DNAH1: variants seen among roughly 807,000 people sequenced by gnomAD.
DNAH1 encodes the protein dynein axonemal heavy chain 1, also known as axonemal beta dynein heavy chain 1.
In DNAH1, 327 loss-of-function variants were observed where a neutral mutation model predicts 484.3. That is an observed-to-expected ratio of 0.68 (90% CI 0.62 to 0.74). The LOEUF (loss-of-function observed/expected upper bound fraction) is 0.74, where lower values mean the gene tolerates loss of function less well. Among genes scored for constraint, DNAH1 ranks in the 30% least tolerant of loss-of-function variants. DNAH1 has a pLI of 0.00. For missense variants in DNAH1, 5,052 were observed against 5,546.8 expected, an observed-to-expected ratio of 0.91 and a Z score of 2.83; for synonymous variants, 2,192 against 2,191.9, an observed-to-expected ratio of 1.00 and a Z score of 0.00.
chr3:52,328,588 A>C (rs1419996907), intron 6 of DNAH1, among the ~76,000 whole-genome samples: 1 of 152,238 alleles, frequency 6.6e-6, no homozygotes, highest in Non-Finnish European at 1.5e-5. Flanking sequence ...TGCCCACTTG[A>C]TGCCACACAG....
In DNAH1 at chr3:52,371,978, T is replaced by G. The variant is rs113617561; in HGVS notation, c.6558T>G (p.Ala2186=). 453 of 1,613,734 alleles carry G rather than the reference T, an allele frequency of 2.8e-4. No individual in the cohort carries two copies. The highest frequency in any genetic ancestry group is 1.6e-3 in the Middle Eastern group (10 of 6,062). Residue 2186 remains alanine, a synonymous_variant, in exon 42 of 78, where the codon GCT becomes GCG. Coordinates refer to ENST00000420323, the MANE Select transcript of DNAH1 (RefSeq NM_015512.5). ...GGGTGAAGTGGATGGACTCCTCAGC[T>G]CCATTCACCATGGTACCAGACACCA... The part of the protein sequence containing the change: ...VAWVKWMDSS[A]PFTMVPDTNY...
chr3:52,369,023 C>T (rs973940461), intron 37 of DNAH1, 105 bp downstream of exon 37: 49 of 1,312,038 alleles, frequency 3.7e-5, no homozygotes, highest in Non-Finnish European at 4.9e-5. Flanking sequence ...CTCTCAGGGC[C>T]ATGGGTCCAT....
Position 52,359,936 on chromosome 3 carries a change from T to C in DNAH1, c.4428T>C (p.Leu1476=). 1 of 1,613,816 alleles carries C rather than the reference T, an allele frequency of 6.2e-7. No homozygotes were observed. The highest frequency in any genetic ancestry group is 1.1e-5 in the South Asian group (1 of 91,084). Residue 1476 remains leucine (L), a synonymous_variant, in exon 27 of 78, where the codon CTT becomes CTC. Transcript: ENST00000420323. ...LCQQLSDLVA[L]VRGKLSRMQR... ...TGCAGCTCAGTGATCTGGTGGCCCTTGTGCGGGGGAAGCTGTCCCGCATGC... is the reference window on the plus strand; with the variant it reads ...TGCAGCTCAGTGATCTGGTGGCCCTCGTGCGGGGGAAGCTGTCCCGCATGC...
Position 52,379,994 on chromosome 3 carries a change from C to T in DNAH1, c.7467C>T (p.Phe2489=), listed in dbSNP as rs753364131. 8.8e-6 allele frequency: 14 copies of T among 1,589,250 alleles called. No homozygotes were observed. The highest frequency in any genetic ancestry group is 1.8e-5 in the Admixed American group (1 of 56,370). ...RLVNEEDRSW[F]DQLLKRCMEQ... ...TGAATGAGGAGGACCGCAGCTGGTT[C>T]GACCAGCTCCTCAAGCGCTGCATGG... Residue 2489 remains phenylalanine, a synonymous_variant, in exon 48 of 78, where the codon TTC becomes TTT. Coordinates refer to ENST00000420323, the MANE Select transcript of DNAH1 (RefSeq NM_015512.5). The surrounding 1 kb of genome is among the most constrained non-coding windows in gnomAD (Gnocchi z 4.4).
At chr3:52,360,524 T>A (rs1465549042) in intron 28 of DNAH1, 100 bp downstream of exon 28, 2 of 988,286 alleles carry the variant, frequency 2.0e-6, no homozygotes, top group South Asian at 1.5e-5. Flanking sequence ...GGTGATCTAG[T>A]CCATCAGAGC....
intron 46 of DNAH1, among the ~76,000 whole-genome samples, chr3:52,377,447 A>G (rs987047056): frequency 3.2e-4 from 48 of 151,648 alleles, no homozygotes; most frequent in African/African-American, 1.1e-3. Context: ...AGCTGCCTTC[A>G]CCTGCCTAAG....
In DNAH1 at chr3:52,395,094, G is replaced by T. The variant is rs376346833; in HGVS notation, c.10968+35G>T. On this transcript the variant is annotated intron_variant, in intron 68 of 77. Coordinates refer to ENST00000420323, the MANE Select transcript of DNAH1 (RefSeq NM_015512.5). This position sits in a 1 kb window ranked among gnomAD's most constrained non-coding sequence, Gnocchi z 4.4. ...GGAACCCTGGCAGGACTGGCACCTT[G>T]AGCTTGTCCCCACCCTGGGTCCCAG... 8.9e-5 allele frequency: 142 copies of T among 1,589,596 alleles called. No individual in the cohort carries two copies. Among genetic ancestry groups the T allele is most frequent in the Non-Finnish European group, 1.1e-4 (128 of 1,167,340 alleles).
rs62257592 is a variant in DNAH1 at position 52,355,155 on chromosome 3, C to T, written c.3693+100C>T. 1 of 1,204,544 alleles carries T rather than the reference C, an allele frequency of 8.3e-7. No individual in the cohort carries two copies. The allele number at this position is 1,204,544 out of a possible 1,614,324, so 74.6% of individuals were successfully genotyped here. A position where few individuals can be genotyped will look rare whatever the true frequency, so the allele number is the denominator to read the frequency against. On this transcript the variant is annotated intron_variant, in intron 21 of 77. Coordinates refer to ENST00000420323, the MANE Select transcript of DNAH1 (RefSeq NM_015512.5). The surrounding 1 kb of genome is among the most constrained non-coding windows in gnomAD (Gnocchi z 4.5). ...TCTCCGGGTGGGGTTCAAAGCATCG[C>T]AGTGCCTTGCCCTCATTCACACAGC...
In DNAH1 at chr3:52,358,651, G is replaced by A. The variant is rs575189081; in HGVS notation, c.4180G>A (p.Val1394Met). 3.8e-5 allele frequency: 62 copies of A among 1,613,278 alleles called. 1 individual carries two copies. The South Asian group carries it at 4.3e-4, about 11-fold the overall frequency. ...LCFSIYPSSNVEDWLREVERS... is the reference protein window; with the variant it reads ...LCFSIYPSSNMEDWLREVERS... The stretch of plus-strand genomic sequence containing the variant: ...CTTCTCCATCTACCCCTCCAGCAAC[G>A]TGGAGGACTGGCTGCGGGAGGTGGA... Residue 1394 changes from valine (V) to methionine (M), a missense_variant, in exon 25 of 78, where the codon GTG becomes ATG. Physicochemically the swap from Val to Met is conservative, Grantham distance 21. This residue lies in a region of DNAH1 where 2,929 missense variants were observed against 3,409.4 expected (regional missense o/e 0.86). Coordinates refer to ENST00000420323, the MANE Select transcript of DNAH1 (RefSeq NM_015512.5). The surrounding 1 kb of genome is among the most constrained non-coding windows in gnomAD (Gnocchi z 4.2).
chr3:52,365,008 AG>A lies in DNAH1; in HGVS notation c.5509del (p.Asp1837MetfsTer6), dbSNP rs1486112024. On this transcript the variant is annotated frameshift_variant, in exon 34 of 78. Coordinates refer to ENST00000420323, the MANE Select transcript of DNAH1 (RefSeq NM_015512.5). LOFTEE classifies it high-confidence loss of function. Reference sequence around the variant, plus strand: ...GAGGCCTGCAGGAACAGCAACCTCAAGGATGTGGAGGGTGAGCCTCGGGCCC... The same window carrying A: ...GAGGCCTGCAGGAACAGCAACCTCAAGATGTGGAGGGTGAGCCTCGGGCCC... ...IREACRNSNL[K>X]DVEGFLTKCI... is the part of the protein sequence containing the mutation. 2 of 1,609,286 alleles carry A rather than the reference AG, an allele frequency of 1.2e-6. No homozygotes were observed. The highest frequency in any genetic ancestry group is 2.7e-5 in the African/African-American group (2 of 74,858).
chr3:52,397,401 AGGG>A (rs1704684127), intron 73 of DNAH1, among the ~76,000 whole-genome samples: 1 of 152,156 alleles, frequency 6.6e-6, no homozygotes, highest in Non-Finnish European at 1.5e-5. Flanking sequence ...GCCATGAGCC[AGGG>A]CTGGGTTGTG....
At chr3:52,333,992 A>G (rs1701648948) in intron 8 of DNAH1, among the ~76,000 whole-genome samples, 1 of 152,222 alleles carries the variant, frequency 6.6e-6, no homozygotes. Flanking sequence ...GCCCCACTGT[A>G]AGTAGAGGAG....
rs1269650906 is a variant in DNAH1 at position 52,382,332 on chromosome 3, G to T, written c.7818G>T (p.Glu2606Asp). Reference sequence around the variant, plus strand: ...CTTCTGCCTCCAGGGCCGAGTACGAGTGCTTCCAGATTGAACTATCCAAGA... The same window carrying T: ...CTTCTGCCTCCAGGGCCGAGTACGATTGCTTCCAGATTGAACTATCCAAGA... ...TRLASHMAEY[E>D]CFQIELSKNY... The change falls in exon 50 of 78, where the codon GAG (glutamate) becomes GAT (aspartate). Residue 2606 changes from glutamate to aspartate, a missense_variant. Physicochemically the swap from Glu to Asp is conservative, Grantham distance 45. Around this residue, in one of 4 missense-constraint regions of DNAH1, gnomAD observed 2,929 missense variants for 3,409.4 expected, o/e 0.86. Coordinates refer to ENST00000420323, the MANE Select transcript of DNAH1 (RefSeq NM_015512.5). 4 of 1,613,888 alleles carry T rather than the reference G, an allele frequency of 2.5e-6. No homozygotes were observed. The highest frequency in any genetic ancestry group is 3.4e-6 in the Non-Finnish European group (4 of 1,179,910).
rs1463096396 is a variant in DNAH1 at position 52,361,698 on chromosome 3, A to G, written c.4912A>G (p.Ile1638Val). The change falls in exon 30 of 78, where the codon ATC becomes GTC. Residue 1638 changes from isoleucine to valine, a missense_variant. By Grantham distance (29) the Ile-to-Val change is conservative. Transcript: ENST00000420323. The surrounding 1 kb of genome is among the most constrained non-coding windows in gnomAD (Gnocchi z 5.6). ...GGCCTGCTTCGACGAGTTCAATCGC[A>G]TCGACATCGAGGTGCTGTCTGTGGT... Reference protein sequence around the residue: ...AWACFDEFNRIDIEVLSVVAQ... With the variant: ...AWACFDEFNRVDIEVLSVVAQ... 6.2e-7 allele frequency: 1 copy of G among 1,611,276 alleles called. No individual in the cohort carries two copies. Among genetic ancestry groups the G allele is most frequent in the South Asian group, 1.1e-5 (1 of 90,316 alleles).
rs763341681 is a variant in DNAH1, at chr3:52,346,566, A to T, written c.1751A>T (p.Tyr584Phe). Residue 584 changes from tyrosine to phenylalanine, a missense_variant, in exon 11 of 78, where the codon TAC (tyrosine) becomes TTC (phenylalanine). Coordinates refer to ENST00000420323, the MANE Select transcript of DNAH1 (RefSeq NM_015512.5). ...ATGAGCAAGGGCTGGTACAACCTCT[A>T]CGAGACCAACTGGGAGGTGTACCTC... ...RDMSKGWYNL[Y>F]ETNWEVYLMS... The T allele has an allele frequency of 6.8e-6, 11 of 1,614,038 alleles. No homozygotes were observed. The highest frequency in any genetic ancestry group is 1.7e-5 in the Admixed American group (1 of 60,032).
In DNAH1 at chr3:52,364,498, T is replaced by A; in HGVS notation, c.5245-140T>A. The A allele has an allele frequency of 1.1e-6, 1 of 922,274 alleles. No individual in the cohort carries two copies. Among genetic ancestry groups the A allele is most frequent in the Non-Finnish European group, 1.7e-6 (1 of 578,688 alleles). 57.1% of individuals were successfully genotyped at this position (922,274 alleles called of 1,614,324 possible). A position where few individuals can be genotyped will look rare whatever the true frequency, so the allele number is the denominator to read the frequency against. ...CACCTGCCCAGGCTGGGCATGTAGG[T>A]GGTCCCAGCAGGTCTGCAAGGGAAG... On this transcript the variant is annotated intron_variant, in intron 32 of 77. Coordinates refer to ENST00000420323, the MANE Select transcript of DNAH1 (RefSeq NM_015512.5). The surrounding 1 kb of genome is among the most constrained non-coding windows in gnomAD (Gnocchi z 4.2).
Position 52,353,282 on chromosome 3 carries a change from G to A in DNAH1, c.3207G>A (p.Lys1069=). Residue 1069 remains lysine, a synonymous_variant, in exon 19 of 78, where the codon AAG becomes AAA. Coordinates refer to ENST00000420323, the MANE Select transcript of DNAH1 (RefSeq NM_015512.5). This position sits in a 1 kb window ranked among gnomAD's most constrained non-coding sequence, Gnocchi z 5.0. ...TCAAGACCATGCACAAGTGCGTGAA[G>A]CAGTTTAAGGACATGCCAGGTAGGG... The part of the protein sequence containing the change: ...EAFKTMHKCV[K]QFKDMPACQE... 1.9e-6 allele frequency: 3 copies of A among 1,613,938 alleles called. No homozygotes were observed. The highest frequency in any genetic ancestry group is 2.2e-5 in the South Asian group (2 of 91,084).
chr3:52,383,667 C>T, intron 51 of DNAH1, 73 bp downstream of exon 51: 1 of 1,458,656 alleles, frequency 6.9e-7, no homozygotes, highest in Non-Finnish European at 9.1e-7. Context: ...CCCGGGGACA[C>T]TGGATGCCAT....
chr3:52,347,362 G>A (rs2153223828), intron 11 of DNAH1, among the ~76,000 whole-genome samples: 1 of 152,246 alleles, frequency 6.6e-6, no homozygotes, highest in Non-Finnish European at 1.5e-5. Context: ...AGGATGGAGT[G>A]GGAGAGCTTG....
Sources: allele counts gnomAD v4.1 joint callset (sites outside exome capture counted in the v4.1 genomes callset), GRCh38; gene constraint gnomAD v4.1.1; regional missense constraint gnomAD v4.1.1; non-coding constraint Gnocchi (gnomAD v3.1); transcripts MANE v1.5; gene names NCBI Gene and HGNC (gene_info 2026-07-23, HGNC 2026-07-21).